STAR: variants seen among roughly 807,000 people sequenced by gnomAD.
STAR encodes the protein steroidogenic acute regulatory protein, also known as steroidogenic acute regulatory protein, mitochondrial.
STAR carries 32 observed loss-of-function variants against 32.3 expected under a neutral mutation model. That is an observed-to-expected ratio of 0.99 (90% CI 0.75 to 1.33). STAR has a LOEUF of 1.33. STAR is among the 40% of genes most tolerant of loss of function. The probability of loss-of-function intolerance (pLI) is 0.00; values close to 1 mark genes in which losing one functional copy is unlikely to be tolerated. For missense variants in STAR, 375 were observed against 379.0 expected (o/e 0.99, Z 0.09); for synonymous variants, 134 against 140.5 (o/e 0.95, Z 0.33).
At position 38,142,853 on chromosome 8, in the gene STAR, C is replaced by T. The variant is rs1802490992; in HGVS notation, c.*1420G>A. ...ACTCCTGGGAAAGGGAATTTGCTTT[C>T]ACCATATTACCCCTTCTTCCAGCCA... On this transcript the variant is annotated 3_prime_UTR_variant, in exon 7 of 7. Coordinates refer to ENST00000276449, the MANE Select transcript of STAR (RefSeq NM_000349.3). Among the ~76,000 whole-genome samples the T allele has an allele frequency of 6.6e-6, 1 of 152,168 alleles. No individual in the cohort carries two copies. The highest frequency in any genetic ancestry group is 1.5e-5 in the Non-Finnish European group (1 of 68,034).
chr8:38,148,428 C>T (rs372087907), intron 2 of STAR, 101 bp from the exon 3 acceptor site: 6 of 1,561,030 alleles, frequency 3.8e-6, no homozygotes, highest in Admixed American at 3.7e-5. Context: ...CTGAAGAGCC[C>T]GGACTAAAGC....
At chr8:38,150,535 T>C (rs914378442) in intron 1 of STAR, among the ~76,000 whole-genome samples, 4 of 151,814 alleles carry the variant, frequency 2.6e-5, no homozygotes, top group African/African-American at 4.8e-5. Flanking sequence ...GAAAAAAAGA[T>C]TGGAGTCCTG....
intron 6 of STAR, 161 bp from the exon 7 acceptor site, chr8:38,144,547 C>A: frequency 6.8e-7 from 1 of 1,479,392 alleles, no homozygotes; most frequent in Non-Finnish European, 9.0e-7. Flanking sequence ...CTGCATTGCT[C>A]CTCTGCTGTC....
chr8:38,148,457 G>C (rs1802613555), intron 2 of STAR, 130 bp from the exon 3 acceptor site: 7 of 1,500,000 alleles, frequency 4.7e-6, no homozygotes, highest in Middle Eastern at 4.6e-4. Flanking sequence ...CCAGCCTGCT[G>C]GTCGAGTTAA....
chr8:38,149,231 C>G (rs1802628561), intron 1 of STAR: 2 of 189,322 alleles, frequency 1.1e-5, no homozygotes, highest in Non-Finnish European at 2.2e-5. Context: ...ATAAGCTACT[C>G]TGTGTGCCCC....
chr8:38,146,786 T>TAC (rs1386604095), intron 3 of STAR, among the ~76,000 whole-genome samples: 1 of 148,766 alleles, frequency 6.7e-6, no homozygotes, highest in Non-Finnish European at 1.5e-5. Flanking sequence ...AAATTTTATA[T>TAC]ATATATATAT....
At position 38,145,983 on chromosome 8, in the gene STAR, AG is replaced by A; in HGVS notation, c.629del (p.Pro210LeufsTer111). The A allele has an allele frequency of 3.1e-6, 5 of 1,614,134 alleles. No homozygotes were observed. The highest frequency in any genetic ancestry group is 4.2e-6 in the Non-Finnish European group (5 of 1,180,038). On this transcript the variant is annotated frameshift_variant, in exon 5 of 7. Transcript: ENST00000276449. LOFTEE classifies it high-confidence loss of function. The stretch of plus-strand genomic sequence containing the variant: ...ATTACCTGATGACACCCTTCTGCTC[AG>A]GCATGTTCCCGAAGTCTGTGGCCAT... ...AGMATDFGNM[P>X]EQKGVIRAEH...
chr8:38,148,194 A>C lies in STAR; in HGVS notation c.306+6T>G. ...GAGGAACCACAGGCTTCTCCCCGAC[A>C]CTTACCTGCTGACTCTCCTTCTTCC... On this transcript the variant is annotated splice_donor_region_variant and intron_variant, in intron 3 of 6. Coordinates refer to ENST00000276449, the MANE Select transcript of STAR (RefSeq NM_000349.3). 2.5e-6 allele frequency: 4 copies of C among 1,613,972 alleles called. No homozygotes were observed. Among genetic ancestry groups the C allele is most frequent in the Non-Finnish European group, 3.4e-6 (4 of 1,179,962 alleles).
Position 38,142,719 on chromosome 8 carries a change from G to A in STAR, c.*1554C>T, listed in dbSNP as rs1363667947. Among the ~76,000 whole-genome samples, 1 of 151,732 alleles carries A rather than the reference G, an allele frequency of 6.6e-6. No homozygotes were observed. The highest frequency in any genetic ancestry group is 6.6e-5 in the Admixed American group (1 of 15,198). On this transcript the variant is annotated 3_prime_UTR_variant, in exon 7 of 7. Coordinates refer to ENST00000276449, the MANE Select transcript of STAR (RefSeq NM_000349.3). ...CATTTTGTATTTTTAGTAGAGATGG[G>A]GTTTCTCCATGTTAGTCAGGCTGGT...
intron 5 of STAR, 120 bp from the exon 6 acceptor site, chr8:38,145,435 A>G: frequency 7.3e-7 from 1 of 1,371,940 alleles, no homozygotes; most frequent in Non-Finnish European, 1.0e-6. Flanking sequence ...GAGTCTCATC[A>G]GGGAAGTGCC....
chr8:38,145,130 A>G (rs1316344892), intron 6 of STAR, 92 bp downstream of exon 6: 4 of 1,589,414 alleles, frequency 2.5e-6, no homozygotes, highest in Non-Finnish European at 3.4e-6. Context: ...ATCAGAATAG[A>G]AGAGGATTCT....
intron 1 of STAR, 56 bp from the exon 2 acceptor site, chr8:38,148,810 AC>A (rs199622364): frequency 3.1e-6 from 4 of 1,302,682 alleles, no homozygotes; most frequent in African/African-American, 3.2e-5. Context: ...GAGATGGACC[AC>A]TCCCACCCCC....
intron 1 of STAR, chr8:38,149,123 T>G (rs1331649151): frequency 3.2e-6 from 1 of 310,452 alleles, no homozygotes; most frequent in East Asian, 8.1e-5. Context: ...TGCATGAGTC[T>G]GTGTGTCTGC....
At chr8:38,145,068 A>G in intron 6 of STAR, 154 bp downstream of exon 6, 1 of 1,506,368 alleles carries the variant, frequency 6.6e-7, no homozygotes. Context: ...ATGGTAGAGT[A>G]GCAGTTAGGC....
At chr8:38,146,554 G>A in intron 3 of STAR, 107 bp from the exon 4 acceptor site, 1 of 1,274,696 alleles carries the variant, frequency 7.8e-7, no homozygotes, top group Non-Finnish European at 1.1e-6. Flanking sequence ...AAGGTGGGTG[G>A]ATCACAAGGT....
Position 38,144,915 on chromosome 8 carries a change from G to A in STAR, c.744+307C>T, listed in dbSNP as rs542427634. ...TTCCAGCTACTCAGGAGGCTGAGGC[G>A]GAAGAATCACTTGAATCCGGGAGGC... On this transcript the variant is annotated intron_variant, in intron 6 of 6. Coordinates refer to ENST00000276449, the MANE Select transcript of STAR (RefSeq NM_000349.3). The A allele has an allele frequency of 6.5e-5, 61 of 936,338 alleles. No individual in the cohort carries two copies. The African/African-American group carries it at 8.8e-4, about 14-fold the overall frequency. The allele number at this position is 936,338 out of a possible 1,614,324, so 58.0% of individuals were successfully genotyped here. A position where few individuals can be genotyped will look rare whatever the true frequency, so the allele number is the denominator to read the frequency against.
chr8:38,148,668 G>C lies in STAR; in HGVS notation c.151C>G (p.Gln51Glu), dbSNP rs763948143. Reference sequence around the variant, plus strand: ...AGTAGAGAGCTCCGCCGCCGAACCTGGTTAATCCACGTGCTAGGGGTGGGG... The same window carrying C: ...AGTAGAGAGCTCCGCCGCCGAACCTCGTTAATCCACGTGCTAGGGGTGGGG... Reference protein sequence around the residue: ...GGPTPSTWINQVRRRSSLLGS... With the variant: ...GGPTPSTWINEVRRRSSLLGS... The change falls in exon 2 of 7, where the codon CAG becomes GAG. Residue 51 changes from glutamine (Q) to glutamate (E), a missense_variant. Coordinates refer to ENST00000276449, the MANE Select transcript of STAR (RefSeq NM_000349.3). 1.6e-5 allele frequency: 26 copies of C among 1,614,140 alleles called. No homozygotes were observed. The highest frequency in any genetic ancestry group is 2.0e-5 in the Non-Finnish European group (24 of 1,180,028).
chr8:38,144,956 C>A, intron 6 of STAR: 1 of 1,251,072 alleles, frequency 8.0e-7, no homozygotes, highest in Non-Finnish European at 1.0e-6. Context: ...TTACGGTGAG[C>A]TGAGACCATG....
intron 1 of STAR, among the ~76,000 whole-genome samples, chr8:38,149,982 G>T (rs562490777): frequency 6.6e-6 from 1 of 152,102 alleles, no homozygotes; most frequent in Non-Finnish European, 1.5e-5. Context: ...CTAGCCAGGC[G>T]TGGTGGCATG....
Sources: allele counts gnomAD v4.1 joint callset (sites outside exome capture counted in the v4.1 genomes callset), GRCh38; gene constraint gnomAD v4.1.1; transcripts MANE v1.5; gene names NCBI Gene and HGNC (gene_info 2026-07-23, HGNC 2026-07-21).